The following SLIT2 variants were observed in gnomAD, a reference collection of about 807,000 sequenced individuals.
SLIT2 encodes slit guidance ligand 2, also known as slit homolog 2 protein.
SLIT2 carries 41 observed loss-of-function variants against 185.7 expected under a neutral mutation model. The ratio of observed to expected loss-of-function variants is 0.22; its 90% confidence interval spans 0.17 to 0.29. The LOEUF is 0.29. Among genes scored for constraint, SLIT2 ranks in the 10% least tolerant of loss-of-function variants. SLIT2 has a pLI of 1.00. For synonymous variants in SLIT2, 693 were observed against 680.2 expected (o/e 1.02, Z -0.29); for missense variants, 1,571 against 1,909.0 (o/e 0.82, Z 3.30).
chr4:20,340,223 TC>T (rs1213873356), intron 4 of SLIT2, among the ~76,000 whole-genome samples: 1 of 152,198 alleles, frequency 6.6e-6, no homozygotes, highest in Non-Finnish European at 1.5e-5. Flanking sequence ...CCTCAAGGAT[TC>T]ATTCTTTGAG....
Position 20,615,315 on chromosome 4 carries a change from C to T in SLIT2, c.3848-1595C>T, listed in dbSNP as rs1238885953. The T allele has an allele frequency of 2.0e-5, 3 of 152,270 alleles. No homozygotes were observed. The East Asian group carries it at 5.8e-4, about 30-fold the overall frequency. The allele number at this position is 152,270 out of a possible 1,614,324, so 9.4% of individuals were successfully genotyped here. A position where few individuals can be genotyped will look rare whatever the true frequency, so the allele number is the denominator to read the frequency against. On this transcript the variant is annotated intron_variant, in intron 34 of 36. Coordinates refer to ENST00000504154, the MANE Select transcript of SLIT2 (RefSeq NM_004787.4). ...TGGACATAGACTAAAGGCCTGTACT[C>T]ACAGAACTTCACAGCCAAGAGACTT...
At chr4:20,475,399 A>C (rs1046210733) in intron 5 of SLIT2, among the ~76,000 whole-genome samples, 6 of 147,128 alleles carry the variant, frequency 4.1e-5, no homozygotes, top group African/African-American at 1.5e-4. Context: ...AGTGCTTTTC[A>C]TCTGCTGGTC....
chr4:20,560,417 AATTG>A (rs1724601905), intron 26 of SLIT2, among the ~76,000 whole-genome samples: 1 of 151,984 alleles, frequency 6.6e-6, no homozygotes, highest in Admixed American at 6.6e-5. Flanking sequence ...AACAGGAAGA[AATTG>A]ATTATCAGAT....
At chr4:20,451,413 G>A (rs1340874705) in intron 4 of SLIT2, among the ~76,000 whole-genome samples, 2 of 152,128 alleles carry the variant, frequency 1.3e-5, no homozygotes, top group Non-Finnish European at 2.9e-5. Flanking sequence ...AGCTAATGCA[G>A]CTAAAAGGAA....
At chr4:20,506,609 A>G (rs905271593) in intron 9 of SLIT2, among the ~76,000 whole-genome samples, 2 of 152,004 alleles carry the variant, frequency 1.3e-5, no homozygotes, top group African/African-American at 4.8e-5. Flanking sequence ...GACAAAGGAC[A>G]TCATTTGAGA....
chr4:20,612,145 A>G (rs1222445672), intron 34 of SLIT2, among the ~76,000 whole-genome samples: 1 of 151,250 alleles, frequency 6.6e-6, no homozygotes, highest in Non-Finnish European at 1.5e-5. Flanking sequence ...TGGGAGGCTG[A>G]GGAGGGAGGA....
intron 4 of SLIT2, among the ~76,000 whole-genome samples, chr4:20,391,451 A>C (rs1412618666): frequency 6.6e-6 from 1 of 152,106 alleles, no homozygotes; most frequent in Non-Finnish European, 1.5e-5. Flanking sequence ...CATATTTGGC[A>C]TAGAAAGTAC....
At chr4:20,489,610 C>G (rs77060281) in intron 8 of SLIT2, among the ~76,000 whole-genome samples, 56 of 151,774 alleles carry the variant, frequency 3.7e-4, no homozygotes, top group African/African-American at 1.3e-3. Context: ...ATGGCAAAAC[C>G]CCGTCCTTTC....
At position 20,518,557 on chromosome 4, in the gene SLIT2, G is replaced by GTGTGTATATATATATATATATA. The variant is rs1271279922; in HGVS notation, c.1059-824_1059-823insGTGTATATATATATATATATAT. 1.8e-3 allele frequency among the ~76,000 whole-genome samples: 32 copies of GTGTGTATATATATATATATATA among 17,854 alleles called. 1 individual carries two copies. The highest frequency in any genetic ancestry group is 2.7e-3 in the South Asian group (1 of 368). The allele number at this position is 17,854 out of a possible 152,430, so 11.7% of individuals were successfully genotyped here. On this transcript the variant is annotated intron_variant, in intron 11 of 36. Coordinates refer to ENST00000504154, the MANE Select transcript of SLIT2 (RefSeq NM_004787.4). ...ATGAGCCACTGTGCCCAGCCTATAT[G>GTGTGTATATATATATATATATA]TATATATATATATATATATATATAT...
At chr4:20,461,097 T>C (rs897779194) in intron 4 of SLIT2, among the ~76,000 whole-genome samples, 2 of 152,194 alleles carry the variant, frequency 1.3e-5, no homozygotes, top group Non-Finnish European at 1.5e-5. Flanking sequence ...TGATAGGTTA[T>C]GGAGATTTTA....
intron 33 of SLIT2, among the ~76,000 whole-genome samples, chr4:20,604,270 T>C (rs1271672062): frequency 6.6e-6 from 1 of 152,256 alleles, no homozygotes; most frequent in African/African-American, 2.4e-5. Flanking sequence ...TGTTAATCTG[T>C]TTTAAAAGTA....
chr4:20,406,804 T>A lies in SLIT2; in HGVS notation c.396-60948T>A, dbSNP rs1163426376. On this transcript the variant is annotated intron_variant, in intron 4 of 36. Transcript: ENST00000504154. Reference sequence around the variant, plus strand: ...TTCCCTATGGTCTAGCAATGCCACTTCTAGGTATACAGTGAACAAAAGCAT... The same window carrying A: ...TTCCCTATGGTCTAGCAATGCCACTACTAGGTATACAGTGAACAAAAGCAT... 1.4e-5 allele frequency among the ~76,000 whole-genome samples: 2 copies of A among 145,018 alleles called. 1 individual carries two copies. The highest frequency in any genetic ancestry group is 3.1e-5 in the Non-Finnish European group (2 of 65,054).
intron 4 of SLIT2, among the ~76,000 whole-genome samples, chr4:20,385,092 C>G (rs1210638110): frequency 2.6e-5 from 4 of 152,184 alleles, no homozygotes; most frequent in African/African-American, 9.6e-5. Flanking sequence ...ATTTGCTGGA[C>G]TAAGTAAGTC....
intron 4 of SLIT2, among the ~76,000 whole-genome samples, chr4:20,364,450 T>C (rs902721980): frequency 5.9e-5 from 9 of 152,120 alleles, no homozygotes; most frequent in African/African-American, 1.9e-4. Flanking sequence ...TCTAAAGATA[T>C]CAAATAAAAT....
rs1398963961 is a variant in SLIT2, at chr4:20,519,380, A to G, written c.1059-2A>G. On this transcript the variant is annotated splice_acceptor_variant, in intron 11 of 36. Coordinates refer to ENST00000504154, the MANE Select transcript of SLIT2 (RefSeq NM_004787.4). LOFTEE classifies it high-confidence loss of function. Reference sequence around the variant, plus strand: ...TTTTTTCATTTAAAATATTTTTTTCAGTGTCCTCTATGGAAATAAAATCAC... The same window carrying G: ...TTTTTTCATTTAAAATATTTTTTTCGGTGTCCTCTATGGAAATAAAATCAC... 1 of 1,501,562 alleles carries G rather than the reference A, an allele frequency of 6.7e-7. No homozygotes were observed. The highest frequency in any genetic ancestry group is 9.3e-7 in the Non-Finnish European group (1 of 1,081,038). 93.0% of individuals were successfully genotyped at this position (1,501,562 alleles called of 1,614,324 possible). A position where few individuals can be genotyped will look rare whatever the true frequency, so the allele number is the denominator to read the frequency against.
rs1003874911 is a variant in SLIT2 at position 20,254,846 on chromosome 4, C to G, written c.179+852C>G. 57 of 443,608 alleles carry G rather than the reference C, an allele frequency of 1.3e-4. No individual in the cohort carries two copies. The highest frequency in any genetic ancestry group is 2.1e-4 in the Non-Finnish European group (47 of 220,234). 27.5% of individuals were successfully genotyped at this position (443,608 alleles called of 1,614,324 possible). ...CACCTTTCTGGCAGTTTCTGCGCCC[C>G]TTCACGTGGCAGCAGTTCCCCTGCC... On this transcript the variant is annotated intron_variant, in intron 1 of 36. Transcript: ENST00000504154. The surrounding 1 kb of genome is among the most constrained non-coding windows in gnomAD (Gnocchi z 5.1).
chr4:20,371,940 T>C (rs969664866), intron 4 of SLIT2, among the ~76,000 whole-genome samples: 16 of 152,138 alleles, frequency 1.1e-4, no homozygotes, highest in Non-Finnish European at 2.4e-4. Flanking sequence ...AAGAACTTGA[T>C]GGAAAGTGCC....
chr4:20,371,206 C>T (rs1246588043), intron 4 of SLIT2, among the ~76,000 whole-genome samples: 1 of 151,980 alleles, frequency 6.6e-6, no homozygotes, highest in African/African-American at 2.4e-5. Context: ...TACACTAATG[C>T]ACCAACACAC....
At chr4:20,530,773 A>G (rs78964441) in intron 16 of SLIT2, among the ~76,000 whole-genome samples, 9,422 of 152,112 alleles carry the variant, frequency 0.062, 495 homozygotes, top group African/African-American at 0.14. Context: ...TATATACAGA[A>G]CTCTTATAAT....
Sources: allele counts gnomAD v4.1 joint callset (sites outside exome capture counted in the v4.1 genomes callset), GRCh38; gene constraint gnomAD v4.1.1; non-coding constraint Gnocchi (gnomAD v3.1); transcripts MANE v1.5; gene names NCBI Gene and HGNC (gene_info 2026-07-23, HGNC 2026-07-21).